Variants in DTWD1 observed in about 807,000 individuals in gnomAD.
DTWD1 encodes the protein DTW motif tRNA-uridine aminocarboxypropyltransferase 1.
A neutral mutation model predicts 30.2 loss-of-function variants in DTWD1; 27 were observed. That is an observed-to-expected ratio of 0.90 (90% confidence interval 0.66 to 1.23). DTWD1 has a LOEUF of 1.23. DTWD1 is among the 50% of genes most tolerant of loss of function. The probability of loss-of-function intolerance (pLI) is 0.00; values close to 1 mark genes in which losing one functional copy is unlikely to be tolerated. For missense variants in DTWD1, 342 were observed against 348.8 expected, an observed-to-expected ratio of 0.98 and a Z score of 0.15; for synonymous variants, 99 against 113.1, an observed-to-expected ratio of 0.88 and a Z score of 0.79.
Position 49,634,660 on chromosome 15 carries a change from G to A in DTWD1, c.533G>A (p.Arg178His), listed in dbSNP as rs2078976976. The change falls in exon 4 of 5, where the codon CGC becomes CAC. Residue 178 changes from arginine to histidine, a missense_variant. Coordinates refer to ENST00000403028, the MANE Select transcript of DTWD1 (RefSeq NM_001144955.2). The part of the protein sequence containing the change: ...NDDPDKPSFK[R>H]KRTEEQEFCD... ...GACCCTGACAAGCCATCTTTTAAAC[G>A]CAAAAGAACTGAAGAACAAGAGTTC... 4.3e-6 allele frequency: 7 copies of A among 1,613,414 alleles called. No homozygotes were observed. Among genetic ancestry groups the A allele is most frequent in the Admixed American group, 1.7e-5 (1 of 59,946 alleles).
At chr15:49,640,334 A>G (rs2079051761) in intron 4 of DTWD1, among the ~76,000 whole-genome samples, 1 of 152,110 alleles carries the variant, frequency 6.6e-6, no homozygotes, top group Non-Finnish European at 1.5e-5. Context: ...GATATACTAC[A>G]GTTTATCTGG....
chr15:49,653,654 T>C lies in DTWD1; in HGVS notation c.*10076T>C, dbSNP rs2079164828. 1 of 152,138 alleles carries C rather than the reference T, an allele frequency of 6.6e-6. No homozygotes were observed. Among genetic ancestry groups the C allele is most frequent in the South Asian group, 2.1e-4 (1 of 4,832 alleles). The allele number at this position is 152,138 out of a possible 1,614,324, so 9.4% of individuals were successfully genotyped here. On this transcript the variant is annotated 3_prime_UTR_variant, in exon 5 of 5. Coordinates refer to ENST00000403028, the MANE Select transcript of DTWD1 (RefSeq NM_001144955.2). Reference sequence around the variant, plus strand: ...TATGCATTGACAGAATGCTTAGCAATAATTTTGCTTGTCTTAATGTGGAAC... The same window carrying C: ...TATGCATTGACAGAATGCTTAGCAACAATTTTGCTTGTCTTAATGTGGAAC...
chr15:49,636,596 T>A (rs1369970170), intron 4 of DTWD1, among the ~76,000 whole-genome samples: 11 of 152,186 alleles, frequency 7.2e-5, no homozygotes, highest in Admixed American at 7.2e-4. Context: ...GACAGGTCAA[T>A]TGTCTGAATG....
chr15:49,637,638 T>C (rs1017106910), intron 4 of DTWD1, among the ~76,000 whole-genome samples: 2 of 152,082 alleles, frequency 1.3e-5, no homozygotes, highest in Non-Finnish European at 2.9e-5. Context: ...TTAAAACAGT[T>C]ACTTTACTTG....
At position 49,643,405 on chromosome 15, in the gene DTWD1, C is replaced by G; in HGVS notation, c.742C>G (p.Leu248Val). 1 of 1,598,490 alleles carries G rather than the reference C, an allele frequency of 6.3e-7. No homozygotes were observed. The highest frequency in any genetic ancestry group is 1.1e-5 in the South Asian group (1 of 88,236). Residue 248 changes from leucine to valine, a missense_variant, in exon 5 of 5, where the codon CTT becomes GTT. Coordinates refer to ENST00000403028, the MANE Select transcript of DTWD1 (RefSeq NM_001144955.2). ...TCAAAAAGGAAAGCCAGATACTTTC[C>G]TTTCTACAATTGAAGCCATTTACTA... ...RHQKGKPDTF[L>V]STIEAIYYFL...
chr15:49,624,974 C>A, intron 1 of DTWD1, 139 bp from the exon 2 acceptor site: 1 of 540,794 alleles, frequency 1.8e-6, no homozygotes, highest in Admixed American at 3.6e-5. Flanking sequence ...TAAAGTGTGC[C>A]AATTTGGTGG....
Position 49,625,385 on chromosome 15 carries a change from A to G in DTWD1, c.218A>G (p.Tyr73Cys), listed in dbSNP as rs190639219. ...AGAATGTTCTACTGCTATACATGTTATGTTCCAGTTGAAAATGTACCTATT... is the reference window on the plus strand; with the variant it reads ...AGAATGTTCTACTGCTATACATGTTGTGTTCCAGTTGAAAATGTACCTATT... Reference protein sequence around the residue: ...GSRMFYCYTCYVPVENVPIEQ... With the variant: ...GSRMFYCYTCCVPVENVPIEQ... The change falls in exon 2 of 5, where the codon TAT (tyrosine) becomes TGT (cysteine). Residue 73 changes from tyrosine to cysteine, a missense_variant. Physicochemically the swap from Tyr to Cys is radical, Grantham distance 194 (BLOSUM62 -2). Coordinates refer to ENST00000403028, the MANE Select transcript of DTWD1 (RefSeq NM_001144955.2). The G allele has an allele frequency of 6.2e-7, 1 of 1,613,764 alleles. No homozygotes were observed. Among genetic ancestry groups the G allele is most frequent in the Non-Finnish European group, 8.5e-7 (1 of 1,179,830 alleles).
intron 2 of DTWD1, 105 bp downstream of exon 2, chr15:49,625,536 G>C: frequency 2.5e-6 from 3 of 1,183,630 alleles, no homozygotes; most frequent in Non-Finnish European, 3.5e-6. Flanking sequence ...TGTTATTATT[G>C]TTAGAAACAA....
At position 49,643,633 on chromosome 15, in the gene DTWD1, T is replaced by G; in HGVS notation, c.*55T>G. 6.7e-7 allele frequency: 1 copy of G among 1,500,212 alleles called. No homozygotes were observed. Among genetic ancestry groups the G allele is most frequent in the South Asian group, 1.3e-5 (1 of 74,164 alleles). 92.9% of individuals were successfully genotyped at this position (1,500,212 alleles called of 1,614,324 possible). On this transcript the variant is annotated 3_prime_UTR_variant, in exon 5 of 5. Transcript: ENST00000403028. Reference sequence around the variant, plus strand: ...TTTGCTAACATTAATAAACTTATATTTGTGCTTTGTTTTTTCTTAAGAAAT... The same window carrying G: ...TTTGCTAACATTAATAAACTTATATGTGTGCTTTGTTTTTTCTTAAGAAAT...
In DTWD1 at chr15:49,645,781, A is replaced by T. The variant is rs1468558362; in HGVS notation, c.*2203A>T. ...CTTCATAAGAGCCTAATTTACAGCT[A>T]AGGCCAGATAAAATCTCAGGTTCTT... On this transcript the variant is annotated 3_prime_UTR_variant, in exon 5 of 5. Coordinates refer to ENST00000403028, the MANE Select transcript of DTWD1 (RefSeq NM_001144955.2). 6.6e-6 allele frequency: 1 copy of T among 152,172 alleles called. No homozygotes were observed. The highest frequency in any genetic ancestry group is 1.5e-5 in the Non-Finnish European group (1 of 68,016). The allele number at this position is 152,172 out of a possible 1,614,324, so 9.4% of individuals were successfully genotyped here.
intron 3 of DTWD1, among the ~76,000 whole-genome samples, chr15:49,633,043 C>CTATCTATATATATATATATATATATA (rs1555588572): frequency 1.4e-4 from 18 of 129,476 alleles, no homozygotes; most frequent in Middle Eastern, 4.1e-3. Flanking sequence ...CTATTTATAT[C>CTATCTATATATATATATATATATATA]TATATCTATA....
intron 4 of DTWD1, among the ~76,000 whole-genome samples, chr15:49,639,450 T>C (rs1225579591): frequency 6.6e-6 from 1 of 152,050 alleles, no homozygotes; most frequent in Non-Finnish European, 1.5e-5. Context: ...TAGTCTTAGG[T>C]ACTTGGGAGA....
chr15:49,629,467 AT>A (rs2078889544), intron 2 of DTWD1: 1 of 152,154 alleles, frequency 6.6e-6, no homozygotes. Context: ...AACTTTTGGA[AT>A]TTTCAGCTTT....
chr15:49,636,609 T>C (rs985583082), intron 4 of DTWD1, among the ~76,000 whole-genome samples: 2 of 152,192 alleles, frequency 1.3e-5, no homozygotes, highest in African/African-American at 4.8e-5. Context: ...TCTGAATGTT[T>C]CATTGTGATT....
Position 49,634,652 on chromosome 15 carries a change from T to G in DTWD1, c.525T>G (p.Ser175=). ...RGKNDDPDKP[S]FKRKRTEEQE... is the part of the protein sequence containing the mutation. ...AAAATGATGACCCTGACAAGCCATC[T>G]TTTAAACGCAAAAGAACTGAAGAAC... Residue 175 remains serine (S), a synonymous_variant, in exon 4 of 5, where the codon TCT becomes TCG. Coordinates refer to ENST00000403028, the MANE Select transcript of DTWD1 (RefSeq NM_001144955.2). 1 of 1,613,858 alleles carries G rather than the reference T, an allele frequency of 6.2e-7. No homozygotes were observed. The highest frequency in any genetic ancestry group is 8.5e-7 in the Non-Finnish European group (1 of 1,179,856).
At chr15:49,621,843 T>G (rs1338569867) in intron 1 of DTWD1, among the ~76,000 whole-genome samples, 3 of 152,194 alleles carry the variant, frequency 2.0e-5, no homozygotes, top group Non-Finnish European at 2.9e-5. Flanking sequence ...AAATGAATGT[T>G]GGACCTGTAG....
chr15:49,633,049 C>CTATATATATATATATA (rs1555588610), intron 3 of DTWD1, among the ~76,000 whole-genome samples: 1,433 of 117,136 alleles, frequency 0.012, 20 homozygotes, highest in Non-Finnish European at 0.016. Context: ...ATATCTATAT[C>CTATATATATATATATA]TATATATATA....
intron 2 of DTWD1, chr15:49,629,624 G>A (rs755597276): frequency 2.0e-5 from 3 of 152,124 alleles, no homozygotes; most frequent in Non-Finnish European, 4.4e-5. Context: ...CTAGGGAGAG[G>A]GAAGGTAGTT....
At chr15:49,625,034 AT>A in intron 1 of DTWD1, 78 bp from the exon 2 acceptor site, 1 of 900,388 alleles carries the variant, frequency 1.1e-6, no homozygotes, top group South Asian at 1.8e-5. Flanking sequence ...TGTGACTTAA[AT>A]TGAGTAATTT....
Sources: allele counts gnomAD v4.1 joint callset (sites outside exome capture counted in the v4.1 genomes callset), GRCh38; gene constraint gnomAD v4.1.1; transcripts MANE v1.5; gene names NCBI Gene and HGNC (gene_info 2026-07-23, HGNC 2026-07-21).